NSUN6: variants seen among roughly 807,000 people sequenced by gnomAD.
NSUN6 encodes the protein tRNA (cytosine(72)-C(5))-methyltransferase NSUN6.
A neutral mutation model predicts 58.0 loss-of-function variants in NSUN6; 64 were observed. The observed-to-expected ratio is 1.10, with a 90% CI of 0.90 to 1.36. The LOEUF (loss-of-function observed/expected upper bound fraction) is 1.36, where lower values mean the gene tolerates loss of function less well. Ranked by LOEUF, NSUN6 falls within the 40% of genes most tolerant of loss-of-function variation. The pLI, the probability that NSUN6 is intolerant of heterozygous loss-of-function variation, is 0.00. For synonymous variants in NSUN6, 231 were observed against 193.9 expected (o/e 1.19, Z -1.59); for missense variants, 701 against 550.1 (o/e 1.27, Z -2.74).
In NSUN6 at chr10:18,560,411, G is replaced by A. The variant is rs147631463; in HGVS notation, c.923-8440C>T. Among the ~76,000 whole-genome samples, 153 of 150,600 alleles carry A rather than the reference G, an allele frequency of 1.0e-3. 1 individual carries two copies. The highest frequency in any genetic ancestry group is 3.5e-3 in the African/African-American group (146 of 41,162). On this transcript the variant is annotated intron_variant, in intron 8 of 10. Coordinates refer to ENST00000377304, the MANE Select transcript of NSUN6 (RefSeq NM_182543.5). ...AATGCAATGAAATAGAGAATGAAGT[G>A]GGCAACGGAACAGAAAATGGAGAAT...
upstream of NSUN6, among the ~76,000 whole-genome samples, chr10:18,656,889 C>T (rs1023177389): frequency 3.0e-5 from 4 of 135,348 alleles, no homozygotes; most frequent in Non-Finnish European, 4.6e-5. Flanking sequence ...TCCAGATGCA[C>T]GATCTTAGCC....
intron 8 of NSUN6, among the ~76,000 whole-genome samples, chr10:18,565,238 C>G (rs111068279): frequency 0.2 from 29,592 of 151,570 alleles, 3,164 homozygotes; most frequent in South Asian, 0.32. Flanking sequence ...TACCATTCTC[C>G]ATTCCATTCC....
At chr10:18,651,775 C>T, upstream of NSUN6, 1 of 985,394 alleles carries the variant, frequency 1.0e-6, no homozygotes, top group Non-Finnish European at 1.2e-6. Context: ...TTTCACCTGC[C>T]TCAGGTTAAG....
At chr10:18,589,995 G>A (rs1002449547) in intron 7 of NSUN6, among the ~76,000 whole-genome samples, 1 of 152,144 alleles carries the variant, frequency 6.6e-6, no homozygotes, top group Non-Finnish European at 1.5e-5. Context: ...CCATCGGTGT[G>A]CTGTATTCGG....
intron 8 of NSUN6, among the ~76,000 whole-genome samples, chr10:18,585,185 C>T (rs1489378452): frequency 1.3e-5 from 2 of 152,044 alleles, no homozygotes; most frequent in Non-Finnish European, 2.9e-5. Context: ...GGCAAGGATG[C>T]AGAGAAAACC....
intron 7 of NSUN6, among the ~76,000 whole-genome samples, chr10:18,591,351 G>C (rs1220754973): frequency 6.6e-6 from 1 of 151,592 alleles, no homozygotes; most frequent in Non-Finnish European, 1.5e-5. Context: ...CCAAACAATA[G>C]AAAATGATTC....
At chr10:18,628,310 C>T (rs1248645518) in intron 3 of NSUN6, among the ~76,000 whole-genome samples, 2 of 152,130 alleles carry the variant, frequency 1.3e-5, no homozygotes, top group Non-Finnish European at 2.9e-5. Flanking sequence ...GGGGAAAAAA[C>T]AGAGCAGAAA....
At chr10:18,631,323 A>T in intron 3 of NSUN6, among the ~76,000 whole-genome samples, 2 of 145,338 alleles carry the variant, frequency 1.4e-5, no homozygotes, top group African/African-American at 5.1e-5. Flanking sequence ...AACTGGAAGC[A>T]TTCCCTTTGA....
chr10:18,651,010 G>A lies in NSUN6; in HGVS notation c.75+119C>T, dbSNP rs2059687995. On this transcript the variant is annotated intron_variant, in intron 1 of 10. Transcript: ENST00000377304. ...CATATTGGTATTTTTACACTTGATA[G>A]ACAAGTAGTAAGGAACGACGGCTGT... The A allele has an allele frequency of 4.7e-5, 54 of 1,154,330 alleles. 2 individuals carry two copies. In the South Asian group the frequency reaches 8.0e-4, roughly 17 times the overall value. The allele number at this position is 1,154,330 out of a possible 1,614,324, so 71.5% of individuals were successfully genotyped here. A position where few individuals can be genotyped will look rare whatever the true frequency, so the allele number is the denominator to read the frequency against.
At chr10:18,626,124 A>C (rs1384615371) in intron 3 of NSUN6, among the ~76,000 whole-genome samples, 1 of 152,164 alleles carries the variant, frequency 6.6e-6, no homozygotes, top group African/African-American at 2.4e-5. Flanking sequence ...TAAAGACATT[A>C]ATAAAGATAA....
At chr10:18,576,604 C>A (rs564947323) in intron 8 of NSUN6, among the ~76,000 whole-genome samples, 1 of 152,208 alleles carries the variant, frequency 6.6e-6, no homozygotes. Context: ...TGACACCCTG[C>A]AGGTCAGCCC....
At chr10:18,600,613 C>T (rs1445035395) in intron 6 of NSUN6, among the ~76,000 whole-genome samples, 3 of 150,864 alleles carry the variant, frequency 2.0e-5, no homozygotes, top group Non-Finnish European at 4.4e-5. Flanking sequence ...GACAAAGCCT[C>T]AATAAAACAA....
At chr10:18,624,236 A>C (rs367760125) in intron 3 of NSUN6, among the ~76,000 whole-genome samples, 1 of 151,928 alleles carries the variant, frequency 6.6e-6, no homozygotes, top group East Asian at 1.9e-4. Flanking sequence ...AAGCAGAAAG[A>C]GGTAATACAT....
At chr10:18,624,113 A>C (rs1181203132) in intron 3 of NSUN6, among the ~76,000 whole-genome samples, 1 of 152,152 alleles carries the variant, frequency 6.6e-6, no homozygotes, top group Non-Finnish European at 1.5e-5. Flanking sequence ...GTACCACTGT[A>C]TTTTCAGAGA....
At chr10:18,657,878 C>G (rs577409352), upstream of NSUN6, among the ~76,000 whole-genome samples, 1 of 152,078 alleles carries the variant, frequency 6.6e-6, no homozygotes, top group South Asian at 2.1e-4. Context: ...TCCCAAAGTG[C>G]TGGGATTACA....
intron 3 of NSUN6, among the ~76,000 whole-genome samples, chr10:18,632,577 C>T (rs2059071086): frequency 6.6e-6 from 1 of 151,650 alleles, no homozygotes; most frequent in South Asian, 2.1e-4. Flanking sequence ...CAAACAACCC[C>T]ATCAAAAAGT....
chr10:18,616,774 C>CTAAACTGTGAGAAACTTAGACCACTA (rs1456803234), intron 3 of NSUN6, among the ~76,000 whole-genome samples: 15 of 152,118 alleles, frequency 9.9e-5, no homozygotes, highest in Non-Finnish European at 1.8e-4. Flanking sequence ...CAGTTTCTCA[C>CTAAACTGTGAGAAACTTAGACCACTA]ATTCATTTCT....
intron 8 of NSUN6, among the ~76,000 whole-genome samples, chr10:18,568,683 A>G (rs965915123): frequency 6.7e-6 from 1 of 149,320 alleles, no homozygotes; most frequent in South Asian, 2.1e-4. Context: ...TCCATTCTGC[A>G]TTCCATTCCC....
chr10:18,631,155 CATGATTATCTCAACAG>C (rs1261780089), intron 3 of NSUN6, among the ~76,000 whole-genome samples: 2 of 152,196 alleles, frequency 1.3e-5, no homozygotes, highest in Non-Finnish European at 2.9e-5. Flanking sequence ...ACAAAAACCA[CATGATTATCTCAACAG>C]ATGCAGAAAA....
Sources: allele counts gnomAD v4.1 joint callset (sites outside exome capture counted in the v4.1 genomes callset), GRCh38; gene constraint gnomAD v4.1.1; transcripts MANE v1.5; gene names NCBI Gene and HGNC (gene_info 2026-07-23, HGNC 2026-07-21).